Variants in PDE1C observed in about 807,000 individuals in gnomAD.
PDE1C encodes dual specificity calcium/calmodulin-dependent 3',5'-cyclic nucleotide phosphodiesterase 1C.
In PDE1C, 62 loss-of-function variants were observed where a neutral mutation model predicts 93.1. That is an observed-to-expected ratio of 0.67 (90% CI 0.54 to 0.82). PDE1C has a LOEUF of 0.82. Among genes scored for constraint, PDE1C ranks in the 40% least tolerant of loss-of-function variants. PDE1C has a pLI of 0.00. For missense variants in PDE1C, 742 were observed against 884.6 expected (o/e 0.84, Z 2.04); for synonymous variants, 325 against 310.1 (o/e 1.05, Z -0.50).
intron 1 of PDE1C, among the ~76,000 whole-genome samples, chr7:32,327,250 T>G (rs530222566): frequency 6.6e-6 from 1 of 152,348 alleles, no homozygotes; most frequent in East Asian, 1.9e-4. Flanking sequence ...CAAGGAAATC[T>G]TTTATTGAAG....
intron 2 of PDE1C, among the ~76,000 whole-genome samples, chr7:31,910,621 C>A (rs988077790): frequency 2.0e-5 from 3 of 152,184 alleles, no homozygotes; most frequent in Non-Finnish European, 2.9e-5. Context: ...TCTGTTCTCA[C>A]GAGCCTGTAA....
rs556260676 is a variant in PDE1C, at chr7:31,776,304, T to C, written c.1892-572A>G. ...GAGAATGACAACAATTGCGTCGAAGTGTTCCAGTGAGGATTAAAGGAAGCA... is the reference window on the plus strand; with the variant it reads ...GAGAATGACAACAATTGCGTCGAAGCGTTCCAGTGAGGATTAAAGGAAGCA... On this transcript the variant is annotated intron_variant, in intron 16 of 17. Transcript: ENST00000396191. Among the ~76,000 whole-genome samples, 3 of 152,312 alleles carry C rather than the reference T, an allele frequency of 2.0e-5. No homozygotes were observed. The East Asian group carries it at 5.8e-4, about 29-fold the overall frequency.
At chr7:32,182,316 T>C (rs1433397291) in intron 2 of PDE1C, among the ~76,000 whole-genome samples, 1 of 152,226 alleles carries the variant, frequency 6.6e-6, no homozygotes, top group African/African-American at 2.4e-5. Context: ...AGCATTATCC[T>C]GATACCAAAG....
At chr7:31,996,350 T>C (rs908565095) in intron 2 of PDE1C, among the ~76,000 whole-genome samples, 1 of 152,052 alleles carries the variant, frequency 6.6e-6, no homozygotes, top group Non-Finnish European at 1.5e-5. Context: ...ACAATGATCT[T>C]CAAAACTAAA....
chr7:31,938,151 G>A lies in PDE1C; in HGVS notation c.129-57291C>T, dbSNP rs372519279. ...TTTCACACTGTGTAGATACAATCTA[G>A]GGCCTACTGTAGGAATTGCAAGCAA... On this transcript the variant is annotated intron_variant, in intron 2 of 17. Transcript: ENST00000396191. Among the ~76,000 whole-genome samples, 119 of 151,464 alleles carry A rather than the reference G, an allele frequency of 7.9e-4. No homozygotes were observed. The South Asian group carries it at 8.8e-3, about 11-fold the overall frequency.
intron 9 of PDE1C, among the ~76,000 whole-genome samples, chr7:31,840,454 G>T (rs191124838): frequency 2.4e-4 from 37 of 151,862 alleles, no homozygotes; most frequent in Admixed American, 1.6e-3. Flanking sequence ...AGAGCAAAAG[G>T]TTTAATTTTT....
At chr7:32,323,752 A>G (rs745755558) in intron 1 of PDE1C, among the ~76,000 whole-genome samples, 7 of 152,204 alleles carry the variant, frequency 4.6e-5, no homozygotes, top group African/African-American at 1.7e-4. Context: ...ACAATGCCCA[A>G]TTAGGACCTG....
chr7:31,963,915 A>G (rs767346538), intron 2 of PDE1C, among the ~76,000 whole-genome samples: 4 of 152,246 alleles, frequency 2.6e-5, no homozygotes, highest in Middle Eastern at 3.2e-3. Context: ...TGGAGTTAGT[A>G]AATACTAAAT....
the PDE1C span, among the ~76,000 whole-genome samples, chr7:31,712,441 G>C: frequency 6.6e-6 from 1 of 152,242 alleles, no homozygotes; most frequent in Non-Finnish European, 1.5e-5. Flanking sequence ...TCAGCCACAG[G>C]AAGGTGGTCT....
At chr7:31,984,350 T>C in intron 2 of PDE1C, among the ~76,000 whole-genome samples, 1 of 152,124 alleles carries the variant, frequency 6.6e-6, no homozygotes, top group Non-Finnish European at 1.5e-5. Flanking sequence ...TAGGACAGTT[T>C]CATCCTAAAA....
At chr7:32,157,080 T>C (rs1353693190) in intron 3 of PDE1C, among the ~76,000 whole-genome samples, 1 of 152,128 alleles carries the variant, frequency 6.6e-6, no homozygotes, top group Non-Finnish European at 1.5e-5. Flanking sequence ...AAAAACCAAA[T>C]TGAGGAACAT....
the PDE1C span, among the ~76,000 whole-genome samples, chr7:31,739,757 C>T: frequency 1.3e-5 from 2 of 152,026 alleles, no homozygotes; most frequent in Non-Finnish European, 2.9e-5. Context: ...GTCAGTGTTG[C>T]CCTCTCCCCC....
the PDE1C span, among the ~76,000 whole-genome samples, chr7:31,716,452 A>G: frequency 6.6e-6 from 1 of 152,220 alleles, no homozygotes; most frequent in Non-Finnish European, 1.5e-5. Context: ...TATGGTTCAC[A>G]TTTCAGATAC....
intron 9 of PDE1C, among the ~76,000 whole-genome samples, chr7:31,842,755 T>A (rs2191875): frequency 6.6e-6 from 1 of 151,624 alleles, no homozygotes; most frequent in Non-Finnish European, 1.5e-5. Context: ...TTATTGATTT[T>A]TCCTCTTATC....
intron 1 of PDE1C, among the ~76,000 whole-genome samples, chr7:32,420,124 T>TATATATACACAC (rs1207972839): frequency 7.6e-5 from 1 of 13,096 alleles, no homozygotes; most frequent in African/African-American, 2.4e-4. Context: ...TATATATATA[T>TATATATACACAC]ACACACACAC....
chr7:31,959,329 G>A (rs1335441024), intron 2 of PDE1C, among the ~76,000 whole-genome samples: 2 of 151,976 alleles, frequency 1.3e-5, no homozygotes, highest in Admixed American at 1.3e-4. Flanking sequence ...TCCTGCCTCA[G>A]CCCCCACCAA....
chr7:31,943,918 T>A (rs138346035), intron 2 of PDE1C, among the ~76,000 whole-genome samples: 51 of 152,206 alleles, frequency 3.4e-4, no homozygotes, highest in African/African-American at 1.1e-3. Flanking sequence ...AAATAAAGAA[T>A]CTCATCAGGC....
the PDE1C span, among the ~76,000 whole-genome samples, chr7:31,743,556 AGTGT>A: frequency 8.1e-5 from 12 of 148,014 alleles, no homozygotes; most frequent in African/African-American, 1.2e-4. Flanking sequence ...TGGAGGATGC[AGTGT>A]GTGTGTGTGT....
At chr7:31,680,379 C>T in the PDE1C span, among the ~76,000 whole-genome samples, 6 of 152,168 alleles carry the variant, frequency 3.9e-5, no homozygotes, top group South Asian at 2.1e-4. Flanking sequence ...GCAGAGCCAA[C>T]TGGGGAAGGC....
Sources: gnomAD v4.1 joint callset for allele counts (sites outside exome capture counted in the v4.1 genomes callset) on GRCh38, gnomAD v4.1.1 for gene constraint, MANE v1.5 for transcripts, NCBI Gene and HGNC (gene_info 2026-07-23, HGNC 2026-07-21) for gene names.